TRIM9: variants seen among roughly 807,000 people sequenced by gnomAD.
TRIM9 encodes tripartite motif containing 9, also known as E3 ubiquitin-protein ligase TRIM9.
In TRIM9, 26 loss-of-function variants were observed where a neutral mutation model predicts 78.3. The observed-to-expected ratio is 0.33, with a 90% CI of 0.24 to 0.46. The LOEUF (loss-of-function observed/expected upper bound fraction) is 0.46, where lower values mean the gene tolerates loss of function less well. TRIM9 is among the 20% of genes least tolerant of loss of function. TRIM9 has a pLI of 1.00. For synonymous variants in TRIM9, 398 were observed against 416.5 expected (o/e 0.96, Z 0.54); for missense variants, 787 against 1,036.4 (o/e 0.76, Z 3.30).
intron 1 of TRIM9, among the ~76,000 whole-genome samples, chr14:51,087,282 G>C (rs937131060): frequency 6.6e-6 from 1 of 152,060 alleles, no homozygotes; most frequent in South Asian, 2.1e-4. Flanking sequence ...CAGGCAGATG[G>C]GATTGTGACT....
intron 1 of TRIM9, among the ~76,000 whole-genome samples, chr14:51,028,774 C>T (rs908851194): frequency 1.3e-5 from 2 of 152,214 alleles, no homozygotes; most frequent in Non-Finnish European, 2.9e-5. Flanking sequence ...AAGCCCTGAT[C>T]TCCAGTCAAG....
chr14:51,080,306 G>A (rs1459606778), intron 1 of TRIM9, among the ~76,000 whole-genome samples: 1 of 151,946 alleles, frequency 6.6e-6, no homozygotes, highest in African/African-American at 2.4e-5. Flanking sequence ...CCCTTAAAGA[G>A]AGAAAACAAT....
chr14:51,088,648 A>T (rs1052309995), intron 1 of TRIM9, among the ~76,000 whole-genome samples: 3 of 137,254 alleles, frequency 2.2e-5, no homozygotes. Context: ...TCGAGTTGGT[A>T]AAAAAAAAAA....
intron 1 of TRIM9, among the ~76,000 whole-genome samples, chr14:51,057,675 A>G (rs1377903559): frequency 1.3e-5 from 2 of 152,234 alleles, no homozygotes; most frequent in Non-Finnish European, 2.9e-5. Context: ...CATGAAAATC[A>G]TGTTTTATTT....
chr14:51,065,696 T>C (rs1192558049), intron 1 of TRIM9, among the ~76,000 whole-genome samples: 3 of 152,188 alleles, frequency 2.0e-5, no homozygotes, highest in Non-Finnish European at 2.9e-5. Context: ...ATTCACTTCA[T>C]GAGCATGAGA....
At chr14:51,093,694 C>T (rs2064645609) in intron 1 of TRIM9, among the ~76,000 whole-genome samples, 2 of 152,358 alleles carry the variant, frequency 1.3e-5, no homozygotes, top group Non-Finnish European at 2.9e-5. Flanking sequence ...ACCCCACCGC[C>T]CCCATCCCAG....
chr14:51,071,143 AGGGTG>A (rs1257492206), intron 1 of TRIM9, among the ~76,000 whole-genome samples: 1 of 152,084 alleles, frequency 6.6e-6, no homozygotes, highest in Non-Finnish European at 1.5e-5. Flanking sequence ...CTTTGAGGCC[AGGGTG>A]GGCGGATCAC....
At chr14:51,015,457 T>A (rs940386710) in intron 3 of TRIM9, among the ~76,000 whole-genome samples, 1 of 151,760 alleles carries the variant, frequency 6.6e-6, no homozygotes, top group Non-Finnish European at 1.5e-5. Flanking sequence ...TCTTTTAAAA[T>A]TTTTCTTTAT....
In TRIM9 at chr14:51,009,324, C is replaced by T. The variant is rs2056260786; in HGVS notation, c.1153-91G>A. 4.6e-6 allele frequency: 7 copies of T among 1,518,988 alleles called. 1 individual carries two copies. The South Asian group carries it at 8.6e-5, about 19-fold the overall frequency. The allele number at this position is 1,518,988 out of a possible 1,614,324, so 94.1% of individuals were successfully genotyped here. A position where few individuals can be genotyped will look rare whatever the true frequency, so the allele number is the denominator to read the frequency against. The stretch of plus-strand genomic sequence containing the variant: ...CTTGGCTCTCCAGGAGCATTACTCC[C>T]AAACTGCCTTGAGGACTCATACTCT... On this transcript the variant is annotated intron_variant, in intron 4 of 12. Coordinates refer to ENST00000684578, the MANE Select transcript of TRIM9 (RefSeq NM_001387360.1).
At chr14:51,002,227 T>C (rs1314860073) in intron 5 of TRIM9, among the ~76,000 whole-genome samples, 1 of 152,014 alleles carries the variant, frequency 6.6e-6, no homozygotes, top group Non-Finnish European at 1.5e-5. Flanking sequence ...GTTCGTACTA[T>C]TCTCCTGTCT....
At chr14:51,042,438 C>T (rs2059644463) in intron 1 of TRIM9, among the ~76,000 whole-genome samples, 1 of 152,168 alleles carries the variant, frequency 6.6e-6, no homozygotes, top group African/African-American at 2.4e-5. Context: ...AATTCACTCA[C>T]ATTAAAATTT....
In TRIM9 at chr14:51,094,439, C is replaced by T. The variant is rs1453674130; in HGVS notation, c.501G>A (p.Lys167=). 1.9e-6 allele frequency: 3 copies of T among 1,613,984 alleles called. No homozygotes were observed. Among genetic ancestry groups the T allele is most frequent in the Non-Finnish European group, 2.5e-6 (3 of 1,180,012 alleles). Residue 167 remains lysine, a synonymous_variant, in exon 1 of 13, where the codon AAG becomes AAA. Coordinates refer to ENST00000684578, the MANE Select transcript of TRIM9 (RefSeq NM_001387360.1). ...RYQQSKAAAL[K]CQLCEKAPKE... is the part of the protein sequence containing the mutation. ...TGGGCGCCTTCTCGCAGAGCTGGCA[C>T]TTGAGGGCCGCGGCTTTGCTCTGCT...
intron 1 of TRIM9, among the ~76,000 whole-genome samples, chr14:51,029,830 C>T (rs1342542903): frequency 6.6e-6 from 1 of 152,258 alleles, no homozygotes; most frequent in East Asian, 1.9e-4. Context: ...AAACCCTCAT[C>T]TGATGGCAAA....
At chr14:50,992,584 T>G (rs1277759822) in intron 7 of TRIM9, among the ~76,000 whole-genome samples, 1 of 53,726 alleles carries the variant, frequency 1.9e-5, no homozygotes, top group South Asian at 3.8e-4. Flanking sequence ...GAAAGATAAA[T>G]GAATGAATGA....
chr14:51,094,896 G>C lies in TRIM9; in HGVS notation c.44C>G (p.Ser15Cys). ...CAGGATGATGGGCTCCCGATAGAAG[G>C]AGCCGCACACGGGGCATTTCAACTC... is the stretch of plus-strand genomic sequence containing the variant. ...EEELKCPVCG[S>C]FYREPIILPC... The change falls in exon 1 of 13, where the codon TCC becomes TGC. Residue 15 changes from serine (S) to cysteine (C), a missense_variant. Ser to Cys is a moderately radical substitution (Grantham distance 112). Coordinates refer to ENST00000684578, the MANE Select transcript of TRIM9 (RefSeq NM_001387360.1). 6.6e-7 allele frequency: 1 copy of C among 1,504,716 alleles called. No homozygotes were observed. The highest frequency in any genetic ancestry group is 8.9e-7 in the Non-Finnish European group (1 of 1,128,226). The allele number at this position is 1,504,716 out of a possible 1,614,324, so 93.2% of individuals were successfully genotyped here.
intron 1 of TRIM9, among the ~76,000 whole-genome samples, chr14:51,029,348 G>A (rs992904823): frequency 7.9e-5 from 12 of 152,130 alleles, no homozygotes; most frequent in Non-Finnish European, 1.2e-4. Context: ...CTCCCCGGGC[G>A]TGGGGCACCT....
intron 1 of TRIM9, among the ~76,000 whole-genome samples, chr14:51,074,503 G>A (rs1367470375): frequency 6.6e-6 from 1 of 152,160 alleles, no homozygotes; most frequent in African/African-American, 2.4e-5. Flanking sequence ...AGAATGAGAA[G>A]GCACAAGCAT....
At chr14:50,979,234 AG>A (rs2051481829) in intron 12 of TRIM9, 152 bp downstream of exon 12, 1 of 1,492,356 alleles carries the variant, frequency 6.7e-7, no homozygotes, top group Admixed American at 2.5e-5. Flanking sequence ...ATAAGTTGCC[AG>A]TGCTGATCCC....
At chr14:51,077,397 T>TG (rs891434524) in intron 1 of TRIM9, among the ~76,000 whole-genome samples, 1 of 93,202 alleles carries the variant, frequency 1.1e-5, no homozygotes, top group African/African-American at 3.5e-5. Flanking sequence ...TTTTTTTTTT[T>TG]TTTTTTTTTT....
Sources: allele counts gnomAD v4.1 joint callset (sites outside exome capture counted in the v4.1 genomes callset), GRCh38; gene constraint gnomAD v4.1.1; transcripts MANE v1.5; gene names NCBI Gene and HGNC (gene_info 2026-07-23, HGNC 2026-07-21).